Variants in CCBE1 observed in about 807,000 individuals in gnomAD.
CCBE1 encodes collagen and calcium-binding EGF domain-containing protein 1.
CCBE1 carries 37 observed loss-of-function variants against 50.0 expected under a neutral mutation model. The ratio of observed to expected loss-of-function variants is 0.74; its 90% CI spans 0.57 to 0.97. The LOEUF (loss-of-function observed/expected upper bound fraction) is 0.97. CCBE1 is among the 50% of genes least tolerant of loss of function. The pLI, the probability that CCBE1 is intolerant of heterozygous loss-of-function variation, is 0.00. For synonymous variants in CCBE1, 234 were observed against 203.7 expected, an observed-to-expected ratio of 1.15 and a Z score of -1.27; for missense variants, 538 against 523.8, an observed-to-expected ratio of 1.03 and a Z score of -0.26.
chr18:59,619,858 G>A (rs979776613), intron 2 of CCBE1, among the ~76,000 whole-genome samples: 8 of 152,072 alleles, frequency 5.3e-5, no homozygotes. Context: ...CTTCATTTTT[G>A]ATGAAACCAT....
intron 2 of CCBE1, among the ~76,000 whole-genome samples, chr18:59,631,151 G>A (rs1266991834): frequency 6.6e-6 from 1 of 151,968 alleles, no homozygotes; most frequent in Non-Finnish European, 1.5e-5. Flanking sequence ...CAGCATGGCA[G>A]TTGTTCAAAT....
chr18:59,659,442 G>T (rs2054252419), intron 2 of CCBE1, among the ~76,000 whole-genome samples: 1 of 152,096 alleles, frequency 6.6e-6, no homozygotes. Context: ...GGCATGAAAA[G>T]GTGGGGAGGT....
In CCBE1 at chr18:59,601,010, G is replaced by GTT. The variant is rs71177045; in HGVS notation, c.212+95617_212+95618dup. Among the ~76,000 whole-genome samples, 297 of 58,012 alleles carry GTT rather than the reference G, an allele frequency of 5.1e-3. 98 individuals are homozygous for GTT. Among genetic ancestry groups the GTT allele is most frequent in the Middle Eastern group, 0.012 (1 of 82 alleles). 38.1% of individuals were successfully genotyped at this position (58,012 alleles called of 152,430 possible). The stretch of plus-strand genomic sequence containing the variant: ...GATCTATTTTATTAGCTATGTGTCA[G>GTT]TTTTTTTTTTTTTTTTTTTTTTTTT... On this transcript the variant is annotated intron_variant, in intron 2 of 10. Transcript: ENST00000439986.
chr18:59,515,388 G>C (rs776789292), intron 2 of CCBE1, among the ~76,000 whole-genome samples: 2 of 152,168 alleles, frequency 1.3e-5, no homozygotes, highest in African/African-American at 4.8e-5. Context: ...CCCAGGAGGG[G>C]GGCCACTTCT....
In CCBE1 at chr18:59,542,138, C is replaced by T. The variant is rs1915491441; in HGVS notation, c.213-61900G>A. ...GCAGTGAGCTGTGAGTGTGCCACTG[C>T]ACCCCAGCCTAAGTGACAGAGTGAG... On this transcript the variant is annotated intron_variant, in intron 2 of 10. Transcript: ENST00000439986. 2.0e-5 allele frequency among the ~76,000 whole-genome samples: 3 copies of T among 149,654 alleles called. No individual in the cohort carries two copies. The South Asian group carries it at 6.3e-4, about 32-fold the overall frequency.
intron 2 of CCBE1, among the ~76,000 whole-genome samples, chr18:59,551,128 T>C (rs1915915418): frequency 6.6e-6 from 1 of 152,106 alleles, no homozygotes; most frequent in African/African-American, 2.4e-5. Context: ...TTCATCATTG[T>C]GTATACATCA....
rs555022646 is a variant in CCBE1 at position 59,644,778 on chromosome 18, C to T, written c.212+51851G>A. Among the ~76,000 whole-genome samples, 161 of 152,284 alleles carry T rather than the reference C, an allele frequency of 1.1e-3. 1 individual carries two copies. Among genetic ancestry groups the T allele is most frequent in the African/African-American group, 3.7e-3 (154 of 41,552 alleles). ...GGAACAGGTGGACAGAAACTCTACC[C>T]ACAATGCCTCCCCATAAAAAATCCT... is the stretch of plus-strand genomic sequence containing the variant. On this transcript the variant is annotated intron_variant, in intron 2 of 10. Coordinates refer to ENST00000439986, the MANE Select transcript of CCBE1 (RefSeq NM_133459.4).
chr18:59,647,426 G>A (rs2054069726), intron 2 of CCBE1, among the ~76,000 whole-genome samples: 2 of 152,142 alleles, frequency 1.3e-5, no homozygotes, highest in Non-Finnish European at 2.9e-5. Context: ...AACATTACCT[G>A]TCTGATGCAG....
chr18:59,683,691 C>T (rs982006671), intron 2 of CCBE1, among the ~76,000 whole-genome samples: 4 of 127,326 alleles, frequency 3.1e-5, no homozygotes, highest in Admixed American at 3.1e-4. Context: ...GAGTGAGACT[C>T]CATCTCAAAA....
At position 59,435,848 on chromosome 18, in the gene CCBE1, TG is replaced by T; in HGVS notation, c.*59del. The T allele has an allele frequency of 7.0e-7, 1 of 1,428,418 alleles. No homozygotes were observed. Among genetic ancestry groups the T allele is most frequent in the Non-Finnish European group, 9.9e-7 (1 of 1,010,374 alleles). The allele number at this position is 1,428,418 out of a possible 1,614,324, so 88.5% of individuals were successfully genotyped here. Reference sequence around the variant, plus strand: ...TCCAGTGGTCTTTCTTCTCTTTAGATGGTTTAACTGCAGGTGAGTTGATCTT... The same window carrying T: ...TCCAGTGGTCTTTCTTCTCTTTAGATGTTTAACTGCAGGTGAGTTGATCTT... On this transcript the variant is annotated 3_prime_UTR_variant, in exon 11 of 11. Transcript: ENST00000439986.
intron 2 of CCBE1, among the ~76,000 whole-genome samples, chr18:59,543,528 GCGAGAGGCCGCGAGAGGCCC>G (rs1311383923): frequency 6.6e-6 from 1 of 151,982 alleles, no homozygotes; most frequent in Non-Finnish European, 1.5e-5. Flanking sequence ...TAAAACTAAT[GCGAGAGGCCGCGAGAGGCCC>G]CGAGAGGCCG....
chr18:59,461,328 A>G (rs1419773933), intron 5 of CCBE1, among the ~76,000 whole-genome samples: 1 of 139,616 alleles, frequency 7.2e-6, no homozygotes, highest in African/African-American at 2.6e-5. Context: ...TGCCAGAACC[A>G]TCAAAGCCAG....
At chr18:59,486,726 G>T (rs987710823) in intron 2 of CCBE1, among the ~76,000 whole-genome samples, 3 of 152,146 alleles carry the variant, frequency 2.0e-5, no homozygotes, top group African/African-American at 7.2e-5. Context: ...GCAGCAAGAT[G>T]ATCTCCAAGT....
intron 2 of CCBE1, among the ~76,000 whole-genome samples, chr18:59,609,076 C>A (rs557826762): frequency 6.6e-6 from 1 of 152,312 alleles, no homozygotes; most frequent in East Asian, 1.9e-4. Context: ...CTTCTTGAAA[C>A]TTCCCCCTCT....
intron 5 of CCBE1, 71 bp downstream of exon 5, chr18:59,466,668 C>T: frequency 1.0e-6 from 1 of 1,003,238 alleles, no homozygotes; most frequent in South Asian, 1.8e-5. Flanking sequence ...ATATATAAAC[C>T]CCCAAACTGG....
chr18:59,525,905 T>C (rs549125560), intron 2 of CCBE1, among the ~76,000 whole-genome samples: 9 of 152,318 alleles, frequency 5.9e-5, no homozygotes, highest in Non-Finnish European at 1.2e-4. Context: ...TGTAGATGTG[T>C]GGTCTTATTT....
chr18:59,649,457 G>A (rs1039381546), intron 2 of CCBE1, among the ~76,000 whole-genome samples: 7 of 152,218 alleles, frequency 4.6e-5, no homozygotes, highest in African/African-American at 1.2e-4. Flanking sequence ...AAAGCTTTAC[G>A]TGTAATGATA....
At chr18:59,466,267 C>T (rs752164809) in intron 5 of CCBE1, among the ~76,000 whole-genome samples, 11 of 151,954 alleles carry the variant, frequency 7.2e-5, no homozygotes, top group Admixed American at 1.3e-4. Context: ...AGGTCTTTCC[C>T]ATGCTATTCT....
intron 2 of CCBE1, among the ~76,000 whole-genome samples, chr18:59,613,379 T>C (rs1370801059): frequency 6.6e-6 from 1 of 152,218 alleles, no homozygotes; most frequent in Non-Finnish European, 1.5e-5. Flanking sequence ...GTCTTATTGA[T>C]TTTAAAAATT....
Sources: gnomAD v4.1 joint callset for allele counts (sites outside exome capture counted in the v4.1 genomes callset) on GRCh38, gnomAD v4.1.1 for gene constraint, MANE v1.5 for transcripts, NCBI Gene and HGNC (gene_info 2026-07-23, HGNC 2026-07-21) for gene names.